The following ASPM variants were observed in gnomAD, a reference collection of about 807,000 sequenced individuals.
ASPM encodes the protein assembly factor for spindle microtubules.
ASPM carries 256 observed loss-of-function variants against 366.4 expected under a neutral mutation model. The observed-to-expected ratio is 0.70, with a 90% CI of 0.63 to 0.77. The LOEUF is 0.77. Among genes scored for constraint, ASPM ranks in the 30% least tolerant of loss-of-function variants. ASPM has a pLI of 0.00. For missense variants in ASPM, 4,146 were observed against 4,090.4 expected, an observed-to-expected ratio of 1.01 and a Z score of -0.37; for synonymous variants, 1,414 against 1,342.9, an observed-to-expected ratio of 1.05 and a Z score of -1.16.
chr1:197,086,881 A>G lies in ASPM; in HGVS notation c.10253T>C (p.Leu3418Pro). The change falls in exon 27 of 28, where the codon CTT (leucine) becomes CCT (proline). Residue 3418 changes from leucine to proline, a missense_variant. By Grantham distance (98) the Leu-to-Pro change is moderately conservative. Coordinates refer to ENST00000367409, the MANE Select transcript of ASPM (RefSeq NM_018136.5). ...HKHKMNTERI[L>P]YKQKKNSSIS... ...AGAAGAATTCTTCTTTTGCTTGTAA[A>G]GTATTCTTTCAGTATTCATTTTATG... is the stretch of plus-strand genomic sequence containing the variant. 6.2e-7 allele frequency: 1 copy of G among 1,611,848 alleles called. No homozygotes were observed. The highest frequency in any genetic ancestry group is 8.5e-7 in the Non-Finnish European group (1 of 1,178,628).
chr1:197,132,006 T>C (rs1658269460), intron 7 of ASPM, among the ~76,000 whole-genome samples: 1 of 152,210 alleles, frequency 6.6e-6, no homozygotes, highest in Non-Finnish European at 1.5e-5. Flanking sequence ...AAAATGAGTT[T>C]ACTATAGTTG....
intron 10 of ASPM, among the ~76,000 whole-genome samples, chr1:197,127,686 T>C: frequency 6.6e-6 from 1 of 152,204 alleles, no homozygotes; most frequent in Non-Finnish European, 1.5e-5. Context: ...GCATTCCAGT[T>C]TGTTATTGAG....
chr1:197,101,722 A>C lies in ASPM; in HGVS notation c.7529T>G (p.Ile2510Ser), dbSNP rs781353325. 1 of 1,612,184 alleles carries C rather than the reference A, an allele frequency of 6.2e-7. No individual in the cohort carries two copies. Among genetic ancestry groups the C allele is most frequent in the Non-Finnish European group, 8.5e-7 (1 of 1,179,028 alleles). ...FQTWKHASILIQQHYRTYRAA... is the reference protein window; with the variant it reads ...FQTWKHASILSQQHYRTYRAA... ...TCTATATGTTCGATAATGTTGCTGA[A>C]TTAGAATTGAAGCATGTTTCCAAGT... The change falls in exon 18 of 28, where the codon ATT becomes AGT. Residue 2510 changes from isoleucine to serine, a missense_variant. Physicochemically the swap from Ile to Ser is moderately radical, Grantham distance 142 (BLOSUM62 -2). Coordinates refer to ENST00000367409, the MANE Select transcript of ASPM (RefSeq NM_018136.5).
At position 197,101,097 on chromosome 1, in the gene ASPM, T is replaced by C. The variant is rs150872657; in HGVS notation, c.8154A>G (p.Ile2718Met). ...YETKKTAIVV[I>M]QNYYRLYVRV... Reference sequence around the variant, plus strand: ...TAACATACAACCTATAATAATTCTGTATAACCACAATTGCAGTTTTCTTTG... The same window carrying C: ...TAACATACAACCTATAATAATTCTGCATAACCACAATTGCAGTTTTCTTTG... The change falls in exon 18 of 28, where the codon ATA becomes ATG. Residue 2718 changes from isoleucine (I) to methionine (M), a missense_variant. This residue lies in a region of ASPM where 3,624 missense variants were observed against 3,591.7 expected (regional missense o/e 1.01). Transcript: ENST00000367409. The C allele has an allele frequency of 6.2e-7, 1 of 1,611,982 alleles. No homozygotes were observed. Among genetic ancestry groups the C allele is most frequent in the African/African-American group, 1.3e-5 (1 of 74,932 alleles).
intron 25 of ASPM, 30 bp downstream of exon 25, chr1:197,089,900 G>T (rs1383964423): frequency 1.9e-6 from 3 of 1,603,756 alleles, no homozygotes; most frequent in East Asian, 4.5e-5. Context: ...GTTGACCAGT[G>T]AATATCTCAT....
intron 12 of ASPM, 102 bp from the exon 13 acceptor site, chr1:197,124,433 G>T (rs1658021135): frequency 2.3e-6 from 2 of 881,344 alleles, no homozygotes; most frequent in South Asian, 1.7e-5. Flanking sequence ...AGAAACTGTA[G>T]ATGTTTTAAA....
intron 18 of ASPM, among the ~76,000 whole-genome samples, chr1:197,097,356 G>C (rs1186626651): frequency 6.6e-6 from 1 of 151,674 alleles, no homozygotes; most frequent in African/African-American, 2.4e-5. Context: ...CCCACGAAAT[G>C]CTTAAAAGGT....
rs372072744 is a variant in ASPM, at chr1:197,142,554, C to T, written c.1698G>A (p.Ser566=). 4.3e-5 allele frequency: 70 copies of T among 1,613,780 alleles called. No individual in the cohort carries two copies. Among genetic ancestry groups the T allele is most frequent in the Non-Finnish European group, 5.5e-5 (65 of 1,179,852 alleles). ...KSYKNEVTPS[S]TTASVARKRK... ...TTTTCCGAGCAACTGAAGCTGTTGT[C>T]GAAGAGGGTGTTACCTCGTTTTTAT... is the stretch of plus-strand genomic sequence containing the variant. The change falls in exon 3 of 28, where the codon TCG becomes TCA. Residue 566 remains serine (S), a synonymous_variant. Transcript: ENST00000367409.
At chr1:197,134,250 T>TA (rs34258529) in intron 5 of ASPM, among the ~76,000 whole-genome samples, 64,740 of 127,124 alleles carry the variant, frequency 0.51, 15,688 homozygotes, top group East Asian at 0.84. Flanking sequence ...TAAAAAATAA[T>TA]AAAAAAAAAA....
rs144696382 is a variant in ASPM at position 197,099,782 on chromosome 1, TG to T, written c.8820+648del. 7.0e-3 allele frequency among the ~76,000 whole-genome samples: 1,065 copies of T among 151,894 alleles called. 9 individuals are homozygous for T. The highest frequency in any genetic ancestry group is 0.023 in the African/African-American group (965 of 41,504). ...AACATATCACATCTGGGTTAAAGCC[TG>T]GGTTATTGCAGGTAAAAAGAAATAG... On this transcript the variant is annotated intron_variant, in intron 18 of 27. Coordinates refer to ENST00000367409, the MANE Select transcript of ASPM (RefSeq NM_018136.5).
intron 4 of ASPM, among the ~76,000 whole-genome samples, chr1:197,137,050 G>A (rs1658440989): frequency 6.6e-6 from 1 of 152,038 alleles, no homozygotes; most frequent in African/African-American, 2.4e-5. Context: ...ATGCAGCAGA[G>A]TGATAATTTT....
In ASPM at chr1:197,146,400, A is replaced by C. The variant is rs1290094263; in HGVS notation, c.38T>G (p.Val13Gly). Residue 13 changes from valine (V) to glycine (G), a missense_variant, in exon 1 of 28, where the codon GTG (valine) becomes GGG (glycine). Physicochemically the swap from Val to Gly is moderately radical, Grantham distance 109. Transcript: ENST00000367409. ...NRRVGRGCWEVSPTERRPPAG... is the reference protein window; with the variant it reads ...NRRVGRGCWEGSPTERRPPAG... ...GGGCGGCCTCCGCTCGGTCGGGCTC[A>C]CTTCCCAGCAGCCTCGCCCCACTCG... The C allele has an allele frequency of 1.2e-6, 2 of 1,609,626 alleles. No individual in the cohort carries two copies. The highest frequency in any genetic ancestry group is 1.7e-6 in the Non-Finnish European group (2 of 1,179,498).
chr1:197,110,566 G>A (rs1657550812), intron 17 of ASPM, among the ~76,000 whole-genome samples: 1 of 151,964 alleles, frequency 6.6e-6, no homozygotes, highest in Non-Finnish European at 1.5e-5. Context: ...AAAAAGCCCT[G>A]TTACAAGAAT....
intron 25 of ASPM, 88 bp from the exon 26 acceptor site, chr1:197,088,520 A>G (rs886154702): frequency 2.3e-6 from 3 of 1,325,970 alleles, no homozygotes; most frequent in Non-Finnish European, 3.1e-6. Flanking sequence ...ACAAAAGTCC[A>G]TACTTAGTAT....
At chr1:197,124,838 A>T (rs1268783644) in intron 12 of ASPM, 32 bp downstream of exon 12, 2 of 1,500,772 alleles carry the variant, frequency 1.3e-6, no homozygotes, top group Non-Finnish European at 1.9e-6. Context: ...CAAAATTGAT[A>T]AAAAATACAA....
intron 17 of ASPM, among the ~76,000 whole-genome samples, chr1:197,115,497 G>A (rs1657713698): frequency 6.6e-6 from 1 of 152,042 alleles, no homozygotes; most frequent in African/African-American, 2.4e-5. Context: ...TTTCCAGAAG[G>A]TTTTCAATTT....
Position 197,101,519 on chromosome 1 carries a change from A to ACTG in ASPM, c.7729_7731dup (p.Gln2577dup). 3 of 1,609,536 alleles carry ACTG rather than the reference A, an allele frequency of 1.9e-6. No homozygotes were observed. Among genetic ancestry groups the ACTG allele is most frequent in the Non-Finnish European group, 2.5e-6 (3 of 1,179,030 alleles). On this transcript the variant is annotated inframe_insertion, in exon 18 of 28. Coordinates refer to ENST00000367409, the MANE Select transcript of ASPM (RefSeq NM_018136.5). The stretch of plus-strand genomic sequence containing the variant: ...TTTTCTTGTATGATTTTTGTAGCCC[A>ACTG]CTGAAGCTTTTGGTAGAAACAATAC...
rs1658637462 is a variant in ASPM at position 197,142,864 on chromosome 1, CTG to C, written c.1386_1387del (p.Tyr462Ter). On this transcript the variant is annotated stop_gained and frameshift_variant, in exon 3 of 28. Coordinates refer to ENST00000367409, the MANE Select transcript of ASPM (RefSeq NM_018136.5). LOFTEE classifies it high-confidence loss of function. ...TTTAGGATTATTTTGTTTTATAAAA[CTG>C]TAGTAATTTGACTTCATTTCTACTA... 1 of 1,613,218 alleles carries C rather than the reference CTG, an allele frequency of 6.2e-7. No individual in the cohort carries two copies. The highest frequency in any genetic ancestry group is 8.5e-7 in the Non-Finnish European group (1 of 1,179,262).
intron 4 of ASPM, chr1:197,138,623 AATAT>A (rs1557963076): frequency 1.1e-5 from 5 of 464,622 alleles, no homozygotes. Context: ...AGTTAGGGAA[AATAT>A]ACAATAAGCA....
Sources: allele counts gnomAD v4.1 joint callset (sites outside exome capture counted in the v4.1 genomes callset), GRCh38; gene constraint gnomAD v4.1.1; regional missense constraint gnomAD v4.1.1; transcripts MANE v1.5; gene names NCBI Gene and HGNC (gene_info 2026-07-23, HGNC 2026-07-21).